FGGY: variants seen among roughly 807,000 people sequenced by gnomAD.
FGGY encodes FGGY carbohydrate kinase domain-containing protein.
Under a neutral mutation model 71.3 loss-of-function variants are expected in FGGY, and 72 were observed. The ratio of observed to expected loss-of-function variants is 1.01; its 90% CI spans 0.84 to 1.23. FGGY has a LOEUF of 1.23. FGGY is among the 50% of genes most tolerant of loss of function. The pLI, the probability that FGGY is intolerant of heterozygous loss-of-function variation, is 0.00. For synonymous variants in FGGY, 251 were observed against 250.3 expected, an observed-to-expected ratio of 1.00 and a Z score of -0.02; for missense variants, 668 against 682.3, an observed-to-expected ratio of 0.98 and a Z score of 0.23.
chr1:59,689,287 G>T (rs1275805367), intron 14 of FGGY, among the ~76,000 whole-genome samples: 1 of 152,174 alleles, frequency 6.6e-6, no homozygotes, highest in East Asian at 1.9e-4. Context: ...GCAGCAGGAA[G>T]AGGGATTTTT....
rs564020054 is a variant in FGGY at position 59,453,689 on chromosome 1, A to G, written c.555-3272A>G. ...GACTAGCCTAGAATGATCTCATGGC[A>G]GTGCCAGAGGTGCAAGAGAACAAGC... On this transcript the variant is annotated intron_variant, in intron 5 of 15. Coordinates refer to ENST00000303721, the MANE Select transcript of FGGY (RefSeq NM_018291.5). Among the ~76,000 whole-genome samples, 40 of 152,248 alleles carry G rather than the reference A, an allele frequency of 2.6e-4. 1 individual carries two copies. Among genetic ancestry groups the G allele is most frequent in the Admixed American group, 7.8e-4 (12 of 15,302 alleles).
At chr1:59,722,952 A>T (rs1361448848) in intron 14 of FGGY, among the ~76,000 whole-genome samples, 1 of 152,134 alleles carries the variant, frequency 6.6e-6, no homozygotes, top group Admixed American at 6.5e-5. Context: ...ACCCGCCACC[A>T]TGCCCGGCTA....
intron 14 of FGGY, among the ~76,000 whole-genome samples, chr1:59,756,572 A>G (rs539686683): frequency 8.5e-5 from 13 of 152,308 alleles, no homozygotes; most frequent in East Asian, 3.9e-4. Context: ...GGCCCATGCA[A>G]TCTTCCTCTC....
intron 6 of FGGY, among the ~76,000 whole-genome samples, chr1:59,478,447 T>C (rs151103117): frequency 4.6e-5 from 7 of 152,374 alleles, no homozygotes; most frequent in African/African-American, 1.7e-4. Flanking sequence ...TACCTCATTT[T>C]ATATTTGCCT....
At chr1:59,474,405 G>A (rs1447054936) in intron 6 of FGGY, among the ~76,000 whole-genome samples, 2 of 152,164 alleles carry the variant, frequency 1.3e-5, no homozygotes, top group East Asian at 1.9e-4. Context: ...TGAGACTCAG[G>A]GATGTGAGGT....
Position 59,636,465 on chromosome 1 carries a change from C to CA in FGGY, c.1074-1755dup, listed in dbSNP as rs971017020. Among the ~76,000 whole-genome samples, 7 of 151,546 alleles carry CA rather than the reference C, an allele frequency of 4.6e-5. No individual in the cohort carries two copies. The East Asian group carries it at 5.8e-4, about 13-fold the overall frequency. On this transcript the variant is annotated intron_variant, in intron 10 of 15. Coordinates refer to ENST00000303721, the MANE Select transcript of FGGY (RefSeq NM_018291.5). ...TGAAGCCCCGTCTATACTAAAAATA[C>CA]AAAAAAAATTAGCCAGGCGTGGTGG...
chr1:59,507,447 G>C (rs2094415235), intron 6 of FGGY, among the ~76,000 whole-genome samples: 2 of 152,082 alleles, frequency 1.3e-5, no homozygotes, highest in Non-Finnish European at 2.9e-5. Flanking sequence ...TTTTTCACTT[G>C]GTTTGACTGT....
At chr1:59,546,057 A>T (rs1024833844) in intron 7 of FGGY, among the ~76,000 whole-genome samples, 2 of 151,692 alleles carry the variant, frequency 1.3e-5, no homozygotes, top group African/African-American at 4.9e-5. Context: ...ACCGTGCTGA[A>T]ATCAAATGAA....
At chr1:59,670,714 AG>A (rs1353951394) in intron 13 of FGGY, among the ~76,000 whole-genome samples, 1 of 51,044 alleles carries the variant, frequency 2.0e-5, no homozygotes, top group Non-Finnish European at 4.8e-5. Context: ...GGGGCATTTG[AG>A]GGAAAAAAAA....
chr1:59,447,633 G>C (rs2071598797), intron 5 of FGGY, among the ~76,000 whole-genome samples: 2 of 152,112 alleles, frequency 1.3e-5, no homozygotes, highest in Non-Finnish European at 2.9e-5. Context: ...TCCTCCTGCT[G>C]TTCTTATGGT....
intron 5 of FGGY, among the ~76,000 whole-genome samples, chr1:59,444,014 G>C (rs957575416): frequency 6.6e-6 from 1 of 152,198 alleles, no homozygotes; most frequent in African/African-American, 2.4e-5. Flanking sequence ...AGAATCATAA[G>C]CCTGAAATAA....
At chr1:59,298,848 G>C (rs763428395) in intron 1 of FGGY, among the ~76,000 whole-genome samples, 3 of 152,194 alleles carry the variant, frequency 2.0e-5, no homozygotes, top group Admixed American at 6.5e-5. Flanking sequence ...AATCAACCCA[G>C]GTGGTGTCAG....
At chr1:59,634,268 A>C (rs2096935308) in intron 10 of FGGY, among the ~76,000 whole-genome samples, 1 of 152,048 alleles carries the variant, frequency 6.6e-6, no homozygotes, top group South Asian at 2.1e-4. Context: ...TTAGCTGGGC[A>C]TGGTGGCACA....
intron 8 of FGGY, among the ~76,000 whole-genome samples, chr1:59,598,468 G>A (rs1275435141): frequency 1.3e-5 from 2 of 152,188 alleles, no homozygotes; most frequent in East Asian, 1.9e-4. Flanking sequence ...AGAATACTTT[G>A]CAAGTAATTC....
intron 2 of FGGY, among the ~76,000 whole-genome samples, chr1:59,333,355 G>C (rs1473807853): frequency 6.6e-6 from 1 of 152,184 alleles, no homozygotes; most frequent in Non-Finnish European, 1.5e-5. Flanking sequence ...AAGATTTGAA[G>C]CAACTAATTT....
chr1:59,478,297 C>G (rs2093345817), intron 6 of FGGY, among the ~76,000 whole-genome samples: 1 of 152,152 alleles, frequency 6.6e-6, no homozygotes, highest in Non-Finnish European at 1.5e-5. Context: ...CAAGATATCC[C>G]TCACCCCTTT....
intron 7 of FGGY, among the ~76,000 whole-genome samples, chr1:59,552,877 A>G (rs1571173966): frequency 1.3e-5 from 2 of 152,330 alleles, no homozygotes; most frequent in East Asian, 1.9e-4. Flanking sequence ...TGGGCTATGC[A>G]TGTAAGTAAG....
chr1:59,648,955 G>C (rs1028365525), intron 11 of FGGY, among the ~76,000 whole-genome samples: 8 of 151,452 alleles, frequency 5.3e-5, no homozygotes, highest in Non-Finnish European at 7.4e-5. Flanking sequence ...TCCAGTTTCA[G>C]CTTCCTACAT....
At position 59,582,794 on chromosome 1, in the gene FGGY, C is replaced by T. The variant is rs188364841; in HGVS notation, c.904-25009C>T. On this transcript the variant is annotated intron_variant, in intron 8 of 15. Transcript: ENST00000303721. ...CGGAGCATTCATTTCTATATCACCA[C>T]GGCCTCATAAAGCTCCTCACACAAA... 1.3e-3 allele frequency among the ~76,000 whole-genome samples: 200 copies of T among 150,346 alleles called. 6 individuals carry two copies. The highest frequency in any genetic ancestry group is 3.9e-4 in the East Asian group (2 of 5,138).
Sources: allele counts gnomAD v4.1 joint callset (sites outside exome capture counted in the v4.1 genomes callset), GRCh38; gene constraint gnomAD v4.1.1; transcripts MANE v1.5; gene names NCBI Gene and HGNC (gene_info 2026-07-23, HGNC 2026-07-21).